The following PDE1C variants were observed in gnomAD, a reference collection of about 807,000 sequenced individuals.
PDE1C encodes the protein phosphodiesterase 1C.
PDE1C carries 62 observed loss-of-function variants against 93.1 expected under a neutral mutation model. The observed-to-expected ratio is 0.67, with a 90% CI of 0.54 to 0.82. The LOEUF is 0.82. PDE1C is among the 40% of genes least tolerant of loss of function. PDE1C has a pLI of 0.00. For synonymous variants in PDE1C, 325 were observed against 310.1 expected, an observed-to-expected ratio of 1.05 and a Z score of -0.50; for missense variants, 742 against 884.6, an observed-to-expected ratio of 0.84 and a Z score of 2.04.
At chr7:31,883,558 T>A (rs1797510288) in intron 2 of PDE1C, among the ~76,000 whole-genome samples, 1 of 152,206 alleles carries the variant, frequency 6.6e-6, no homozygotes, top group African/African-American at 2.4e-5. Flanking sequence ...CTAATTCTCA[T>A]CAGTTGAAAA....
the PDE1C span, among the ~76,000 whole-genome samples, chr7:31,730,238 A>G: frequency 6.6e-5 from 10 of 152,180 alleles, no homozygotes; most frequent in Non-Finnish European, 1.5e-4. Flanking sequence ...AAACCTACAC[A>G]GCACAGACAC....
chr7:32,237,762 A>ATATATATATATATATATATATATAT (rs1562607013), intron 1 of PDE1C, among the ~76,000 whole-genome samples: 3 of 35,110 alleles, frequency 8.5e-5, no homozygotes, highest in South Asian at 1.7e-3. Context: ...ATATATATAT[A>ATATATATATATATATATATATATAT]CTTTTTTTTT....
chr7:31,891,490 C>T (rs139021468), intron 2 of PDE1C, among the ~76,000 whole-genome samples: 2,828 of 152,206 alleles, frequency 0.019, 42 homozygotes, highest in South Asian at 0.049. Flanking sequence ...AACTAAGAAA[C>T]GTAATCATCC....
At chr7:32,427,768 A>T (rs987783475) in intron 1 of PDE1C, 1 of 152,278 alleles carries the variant, frequency 6.6e-6, no homozygotes, top group African/African-American at 2.4e-5. Flanking sequence ...TTTCCCCCAG[A>T]AAGTCTCCAG....
chr7:31,691,329 C>T, the PDE1C span, among the ~76,000 whole-genome samples: 2 of 152,312 alleles, frequency 1.3e-5, no homozygotes, highest in South Asian at 4.1e-4. Flanking sequence ...CACAACTGGT[C>T]TGTGTGTTCA....
At chr7:31,618,301 G>T in the PDE1C span, among the ~76,000 whole-genome samples, 1 of 151,992 alleles carries the variant, frequency 6.6e-6, no homozygotes, top group African/African-American at 2.4e-5. Context: ...AAGTAATTAG[G>T]ACTGTTCATG....
the PDE1C span, among the ~76,000 whole-genome samples, chr7:31,621,924 T>A: frequency 1.3e-5 from 2 of 150,464 alleles, no homozygotes; most frequent in African/African-American, 4.9e-5. Flanking sequence ...ACCAAGCCAA[T>A]GGAAAACAAA....
the PDE1C span, among the ~76,000 whole-genome samples, chr7:31,649,040 CTAAG>C: frequency 6.6e-6 from 1 of 152,184 alleles, no homozygotes; most frequent in African/African-American, 2.4e-5. Context: ...CAGAGATTCC[CTAAG>C]TGTTTCAAAT....
At chr7:31,691,511 T>A in the PDE1C span, among the ~76,000 whole-genome samples, 1 of 152,032 alleles carries the variant, frequency 6.6e-6, no homozygotes, top group Non-Finnish European at 1.5e-5. Context: ...TTTCTATAAA[T>A]CTCAGCTAAT....
rs79797293 is a variant in PDE1C at position 32,223,889 on chromosome 7, G to A, written c.86-14350C>T. ...GCTTCCTCTACAGGGCAGAGTCCACGCCCGGATGACAAAACGCTGCACAAT... is the reference window on the plus strand; with the variant it reads ...GCTTCCTCTACAGGGCAGAGTCCACACCCGGATGACAAAACGCTGCACAAT... On this transcript the variant is annotated intron_variant, in intron 1 of 18. Transcript: ENST00000396193. Among the ~76,000 whole-genome samples, 582 of 152,208 alleles carry A rather than the reference G, an allele frequency of 3.8e-3. 7 individuals carry two copies. The highest frequency in any genetic ancestry group is 0.013 in the African/African-American group (544 of 41,526).
chr7:31,900,510 C>T (rs569654624), intron 2 of PDE1C, among the ~76,000 whole-genome samples: 73 of 149,844 alleles, frequency 4.9e-4, no homozygotes, highest in African/African-American at 1.7e-3. Context: ...TTTATATTAA[C>T]AGTAAGTTAA....
intron 16 of PDE1C, among the ~76,000 whole-genome samples, chr7:31,796,862 A>G (rs1785368751): frequency 6.6e-6 from 1 of 151,768 alleles, no homozygotes; most frequent in East Asian, 1.9e-4. Context: ...AAAATGTTTA[A>G]TCAAAAAAAC....
intron 17 of PDE1C, among the ~76,000 whole-genome samples, chr7:31,768,108 G>T (rs572635494): frequency 3.3e-5 from 5 of 152,356 alleles, no homozygotes; most frequent in African/African-American, 1.2e-4. Context: ...GGAATGTAGA[G>T]GAGTCTATCT....
chr7:32,126,201 C>CTAGATAGATAGATAGATAGATAGA (rs5883326), intron 3 of PDE1C, among the ~76,000 whole-genome samples: 3 of 146,890 alleles, frequency 2.0e-5, no homozygotes, highest in African/African-American at 5.1e-5. Context: ...ATCCACTATT[C>CTAGATAGATAGATAGATAGATAGA]TAGATAGATA....
At chr7:31,975,555 A>AC (rs1811555103) in intron 2 of PDE1C, among the ~76,000 whole-genome samples, 1 of 152,070 alleles carries the variant, frequency 6.6e-6, no homozygotes, top group Admixed American at 6.6e-5. Context: ...GTCAGAGTGA[A>AC]CCCTTTAAAA....
chr7:32,353,603 G>A (rs191456131), intron 1 of PDE1C, among the ~76,000 whole-genome samples: 2 of 139,164 alleles, frequency 1.4e-5, no homozygotes, highest in East Asian at 4.3e-4. Context: ...CAACTATGGT[G>A]CACAGATGGC....
chr7:32,248,017 CAA>C (rs2128873472), intron 1 of PDE1C, among the ~76,000 whole-genome samples: 1 of 152,256 alleles, frequency 6.6e-6, no homozygotes, highest in East Asian at 1.9e-4. Flanking sequence ...GAAATTGACT[CAA>C]CTCAGTAAGT....
At chr7:31,621,197 A>T in the PDE1C span, among the ~76,000 whole-genome samples, 1 of 152,306 alleles carries the variant, frequency 6.6e-6, no homozygotes, top group Non-Finnish European at 1.5e-5. Context: ...GATATTATCC[A>T]GGAGAACTTC....
chr7:31,995,925 A>G (rs970350864), intron 2 of PDE1C, among the ~76,000 whole-genome samples: 2 of 152,102 alleles, frequency 1.3e-5, no homozygotes, highest in African/African-American at 4.8e-5. Context: ...TAGAGAGTAG[A>G]ACGACCCTTG....
Sources: gnomAD v4.1 joint callset for allele counts (sites outside exome capture counted in the v4.1 genomes callset) on GRCh38, gnomAD v4.1.1 for gene constraint, MANE v1.5 for transcripts, NCBI Gene and HGNC (gene_info 2026-07-23, HGNC 2026-07-21) for gene names.